Variants in ANKRD28 observed in about 807,000 individuals in gnomAD.
ANKRD28 encodes serine/threonine-protein phosphatase 6 regulatory ankyrin repeat subunit A.
Under a neutral mutation model 126.5 loss-of-function variants are expected in ANKRD28, and 44 were observed. The ratio of observed to expected loss-of-function variants is 0.35; its 90% CI spans 0.27 to 0.45. The LOEUF is 0.45. Among genes scored for constraint, ANKRD28 ranks in the 20% least tolerant of loss-of-function variants. The pLI is 1.00. For missense variants in ANKRD28, 1,110 were observed against 1,316.6 expected, an observed-to-expected ratio of 0.84 and a Z score of 2.43; for synonymous variants, 442 against 468.5, an observed-to-expected ratio of 0.94 and a Z score of 0.73.
chr3:15,690,983 C>T lies in ANKRD28; in HGVS notation c.1762-763G>A, dbSNP rs963761629. 7.2e-5 allele frequency among the ~76,000 whole-genome samples: 11 copies of T among 152,140 alleles called. 1 individual carries two copies. The highest frequency in any genetic ancestry group is 5.2e-4 in the Admixed American group (8 of 15,260). On this transcript the variant is annotated intron_variant, in intron 17 of 27. Coordinates refer to ENST00000683139, the MANE Select transcript of ANKRD28 (RefSeq NM_001349278.2). ...CTCAAATTAAACTGACCATACCCAC[C>T]CCATAATGTGCCATAGCTAAAAAAG...
chr3:15,758,752 G>A (rs983523577), intron 3 of ANKRD28, among the ~76,000 whole-genome samples: 2 of 152,084 alleles, frequency 1.3e-5, no homozygotes, highest in Middle Eastern at 3.2e-3. Context: ...TGTTTAAGCC[G>A]CCCAGTTTGT....
At chr3:15,732,537 T>C (rs1340322781) in intron 6 of ANKRD28, 1 of 152,250 alleles carries the variant, frequency 6.6e-6, no homozygotes, top group Non-Finnish European at 1.5e-5. Flanking sequence ...TTGTGAGGTA[T>C]GGGGGAGAAC....
intron 6 of ANKRD28, among the ~76,000 whole-genome samples, chr3:15,725,801 T>G (rs2074113098): frequency 6.6e-6 from 1 of 152,136 alleles, no homozygotes; most frequent in Admixed American, 6.5e-5. Flanking sequence ...CCCAACAATT[T>G]GTGAGGCTGA....
rs540484005 is a variant in ANKRD28, at chr3:15,792,841, T to C, written c.201+2382A>G. Among the ~76,000 whole-genome samples the C allele has an allele frequency of 8.5e-5, 13 of 152,300 alleles. 2 individuals are homozygous for C. Among genetic ancestry groups the C allele is most frequent in the African/African-American group, 1.4e-4 (6 of 41,558 alleles). On this transcript the variant is annotated intron_variant, in intron 2 of 27. Transcript: ENST00000683139. The stretch of plus-strand genomic sequence containing the variant: ...ACCCCATAAATATAGACACCTATTA[T>C]GTACCCACAAATTTTTTTTAAAACC...
At chr3:15,680,270 T>C (rs2067401674) in intron 21 of ANKRD28, among the ~76,000 whole-genome samples, 1 of 152,156 alleles carries the variant, frequency 6.6e-6, no homozygotes, top group Non-Finnish European at 1.5e-5. Flanking sequence ...AGTGGCGCGA[T>C]CTTGGCTCAC....
intron 1 of ANKRD28, among the ~76,000 whole-genome samples, chr3:15,849,148 A>T (rs2061586055): frequency 6.6e-6 from 1 of 152,228 alleles, no homozygotes. Context: ...AGATACGATG[A>T]GATTAAAGAA....
chr3:15,680,418 G>A (rs1290379138), intron 21 of ANKRD28, among the ~76,000 whole-genome samples: 1 of 151,932 alleles, frequency 6.6e-6, no homozygotes, highest in African/African-American at 2.4e-5. Flanking sequence ...TGTTGGTCAG[G>A]CTGATCTCAA....
chr3:15,821,445 C>G (rs1175491305), intron 1 of ANKRD28, among the ~76,000 whole-genome samples: 1 of 152,082 alleles, frequency 6.6e-6, no homozygotes, highest in Admixed American at 6.6e-5. Flanking sequence ...ACAAATTAGG[C>G]TTTTTCATGG....
At chr3:15,859,113 G>A (rs2061843486) in intron 1 of ANKRD28, among the ~76,000 whole-genome samples, 1 of 152,178 alleles carries the variant, frequency 6.6e-6, no homozygotes, top group Non-Finnish European at 1.5e-5. Context: ...CCCGACGCGA[G>A]GGCGGTGAGC....
chr3:15,687,789 CAAG>C (rs2068311253), intron 18 of ANKRD28, among the ~76,000 whole-genome samples: 1 of 152,142 alleles, frequency 6.6e-6, no homozygotes, highest in Non-Finnish European at 1.5e-5. Flanking sequence ...TGGGGATGTT[CAAG>C]AAGAACTTGT....
chr3:15,802,015 T>C (rs1195405868), upstream of ANKRD28, among the ~76,000 whole-genome samples: 1 of 152,196 alleles, frequency 6.6e-6, no homozygotes, highest in Non-Finnish European at 1.5e-5. Flanking sequence ...TAATATTACA[T>C]GTGTTTTCTG....
chr3:15,684,952 T>C (rs2067940661), intron 21 of ANKRD28: 2 of 382,670 alleles, frequency 5.2e-6, no homozygotes, highest in South Asian at 2.6e-5. Flanking sequence ...AGCAAGATCC[T>C]ACCAAAACTA....
chr3:15,740,417 T>G (rs762330833), intron 4 of ANKRD28, among the ~76,000 whole-genome samples: 2 of 152,214 alleles, frequency 1.3e-5, no homozygotes, highest in Non-Finnish European at 2.9e-5. Context: ...CATATATGAA[T>G]ACTCACAAAA....
chr3:15,834,036 T>G (rs755667152), intron 1 of ANKRD28, among the ~76,000 whole-genome samples: 3 of 152,220 alleles, frequency 2.0e-5, no homozygotes, highest in Non-Finnish European at 4.4e-5. Context: ...GTAGGTTGTA[T>G]GTTTACTCTG....
chr3:15,841,796 G>A (rs2061428403), intron 1 of ANKRD28, among the ~76,000 whole-genome samples: 1 of 152,078 alleles, frequency 6.6e-6, no homozygotes, highest in African/African-American at 2.4e-5. Flanking sequence ...GAGAGGATGT[G>A]GAGAAAAGGG....
chr3:15,760,436 A>G (rs1037642252), intron 3 of ANKRD28, among the ~76,000 whole-genome samples: 1 of 152,206 alleles, frequency 6.6e-6, no homozygotes, highest in Admixed American at 6.5e-5. Context: ...AACCTAACAG[A>G]TGTTCACTTT....
chr3:15,814,758 T>A lies in ANKRD28; in HGVS notation c.28-19452A>T, dbSNP rs2060798320. On this transcript the variant is annotated intron_variant, in intron 1 of 27. Coordinates refer to the ANKRD28 transcript ENST00000399451. This position sits in a 1 kb window ranked among gnomAD's most constrained non-coding sequence, Gnocchi z 4.7. ...ATTTAAGAAACTGCCTATGAAAAGTTTAAAATATTCAATCTATACGCTTTT... is the reference window on the plus strand; with the variant it reads ...ATTTAAGAAACTGCCTATGAAAAGTATAAAATATTCAATCTATACGCTTTT... 6.6e-6 allele frequency among the ~76,000 whole-genome samples: 1 copy of A among 151,978 alleles called. No individual in the cohort carries two copies. The highest frequency in any genetic ancestry group is 2.4e-5 in the African/African-American group (1 of 41,414).
intron 23 of ANKRD28, among the ~76,000 whole-genome samples, chr3:15,679,055 G>C (rs1217092065): frequency 6.6e-6 from 1 of 152,022 alleles, no homozygotes; most frequent in Non-Finnish European, 1.5e-5. Context: ...GCTCACTGTT[G>C]CCTCAAACTC....
At chr3:15,694,239 A>C (rs113715071) in intron 17 of ANKRD28, among the ~76,000 whole-genome samples, 7 of 152,326 alleles carry the variant, frequency 4.6e-5, no homozygotes, top group African/African-American at 1.7e-4. Context: ...GGAATCTTAA[A>C]GTGGAAGGGA....
Sources: gnomAD v4.1 joint callset for allele counts (sites outside exome capture counted in the v4.1 genomes callset) on GRCh38, gnomAD v4.1.1 for gene constraint, Gnocchi (gnomAD v3.1) non-coding constraint, MANE v1.5 for transcripts, NCBI Gene and HGNC (gene_info 2026-07-23, HGNC 2026-07-21) for gene names.